RGS4: variants seen among roughly 807,000 people sequenced by gnomAD.
RGS4 encodes the protein schizophrenia disorder 9.
In RGS4, 15 loss-of-function variants were observed where a neutral mutation model predicts 21.6. The observed-to-expected ratio is 0.69, with a 90% CI of 0.46 to 1.07. The LOEUF (loss-of-function observed/expected upper bound fraction) is 1.07. RGS4 is among the 50% of genes least tolerant of loss of function. The pLI is 0.00. For missense variants in RGS4, 237 were observed against 239.0 expected (o/e 0.99, Z 0.06); for synonymous variants, 94 against 85.5 (o/e 1.10, Z -0.55).
chr1:163,069,987 T>C (rs2661319), intron 1 of RGS4, among the ~76,000 whole-genome samples: 66,476 of 151,962 alleles, frequency 0.44, 15,518 homozygotes, highest in Non-Finnish European at 0.52. Flanking sequence ...AAAGGCACTA[T>C]GCTTTCCGTG....
At chr1:163,071,872 C>CCCCA (rs1655325925) in intron 1 of RGS4, 1 of 65,716 alleles carries the variant, frequency 1.5e-5, no homozygotes. Flanking sequence ...CCCCCCCCCC[C>CCCCA]CAACATACAT....
intron 4 of RGS4, 115 bp from the exon 5 acceptor site, chr1:163,074,206 T>C (rs1655420723): frequency 5.7e-6 from 8 of 1,401,496 alleles, no homozygotes; most frequent in Non-Finnish European, 5.9e-6. Context: ...CACTTTTGTT[T>C]TTTGCTTCTG....
In RGS4 at chr1:163,075,098, T is replaced by G. The variant is rs1655452833; in HGVS notation, c.*538T>G. 2 of 69,818 alleles carry G rather than the reference T, an allele frequency of 2.9e-5. No homozygotes were observed. The highest frequency in any genetic ancestry group is 5.6e-5 in the Non-Finnish European group (2 of 35,724). The allele number at this position is 69,818 out of a possible 1,614,324, so 4.3% of individuals were successfully genotyped here. ...GTATACATATGTATGTGTGAGTGTA[T>G]GTATACACACACACACACACACACA... is the stretch of plus-strand genomic sequence containing the variant. On this transcript the variant is annotated 3_prime_UTR_variant, in exon 5 of 5. Coordinates refer to ENST00000367909, the MANE Select transcript of RGS4 (RefSeq NM_005613.6).
At chr1:163,072,966 G>A in intron 3 of RGS4, 100 bp downstream of exon 3, 1 of 994,338 alleles carries the variant, frequency 1.0e-6, no homozygotes, top group African/African-American at 1.6e-5. Flanking sequence ...TCTTTCTGAT[G>A]TTCAGACTCA....
intron 1 of RGS4, among the ~76,000 whole-genome samples, chr1:163,069,958 G>A (rs1393816498): frequency 1.3e-5 from 2 of 152,122 alleles, no homozygotes; most frequent in Admixed American, 6.6e-5. Flanking sequence ...CCCAGAATGA[G>A]GTTTGGCTCC....
intron 4 of RGS4, 33 bp downstream of exon 4, chr1:163,073,655 G>A (rs763819180): frequency 1.7e-5 from 25 of 1,435,222 alleles, no homozygotes; most frequent in Middle Eastern, 3.8e-4. Flanking sequence ...AAAATTGTAC[G>A]TATTTATGGA....
At position 163,074,150 on chromosome 1, in the gene RGS4, TGAAC is replaced by T. The variant is rs1360347391; in HGVS notation, c.379-170_379-167del. On this transcript the variant is annotated intron_variant, in intron 4 of 4. Coordinates refer to ENST00000367909, the MANE Select transcript of RGS4 (RefSeq NM_005613.6). ...CTCTCTAAAGCAGAAAGGTTCATTCTGAACCTTTCATACTCTCTCACATGTGCCA... is the reference window on the plus strand; with the variant it reads ...CTCTCTAAAGCAGAAAGGTTCATTCTCTTTCATACTCTCTCACATGTGCCA... 8.0e-6 allele frequency: 6 copies of T among 752,992 alleles called. No individual in the cohort carries two copies. In the African/African-American group the frequency reaches 1.0e-4, roughly 13 times the overall value. 46.6% of individuals were successfully genotyped at this position (752,992 alleles called of 1,614,324 possible).
chr1:163,073,053 G>C (rs1264950645), intron 3 of RGS4, among the ~76,000 whole-genome samples, 187 bp downstream of exon 3: 1 of 152,102 alleles, frequency 6.6e-6, no homozygotes, highest in Non-Finnish European at 1.5e-5. Context: ...ACAATGAAAA[G>C]TTTATGCAGG....
In RGS4 at chr1:163,074,774, T is replaced by G. The variant is rs1016704646; in HGVS notation, c.*214T>G. 3 of 686,492 alleles carry G rather than the reference T, an allele frequency of 4.4e-6. No homozygotes were observed. Among genetic ancestry groups the G allele is most frequent in the Non-Finnish European group, 5.0e-6 (2 of 396,180 alleles). The allele number at this position is 686,492 out of a possible 1,614,324, so 42.5% of individuals were successfully genotyped here. A position where few individuals can be genotyped will look rare whatever the true frequency, so the allele number is the denominator to read the frequency against. ...GGGTGGGACCCCATTCCAGTCCAAT[T>G]TTCCTAAGTTTCTTTGAGGGTTCCA... On this transcript the variant is annotated 3_prime_UTR_variant, in exon 5 of 5. Coordinates refer to ENST00000367909, the MANE Select transcript of RGS4 (RefSeq NM_005613.6).
Position 163,072,802 on chromosome 1 carries a change from T to C in RGS4, c.150-3T>C. 6.2e-7 allele frequency: 1 copy of C among 1,612,366 alleles called. No homozygotes were observed. The highest frequency in any genetic ancestry group is 8.5e-7 in the Non-Finnish European group (1 of 1,178,940). On this transcript the variant is annotated splice_polypyrimidine_tract_variant and splice_region_variant and intron_variant, in intron 2 of 4. Transcript: ENST00000367909. ...TTATTCTGTTTCTCTCTATTTTTTC[T>C]AGAGTGAGCCAAGAGGAAGTCAAGA...
chr1:163,070,839 C>T (rs1373401956), intron 1 of RGS4: 2 of 152,122 alleles, frequency 1.3e-5, no homozygotes, highest in Non-Finnish European at 2.9e-5. Context: ...CCCTTTCCTC[C>T]TCAATAAATT....
chr1:163,076,239 C>T lies in RGS4; in HGVS notation c.*1679C>T, dbSNP rs1655493806. The T allele has an allele frequency of 6.6e-6, 1 of 152,602 alleles. No homozygotes were observed. The highest frequency in any genetic ancestry group is 2.1e-4 in the South Asian group (1 of 4,832). 9.5% of individuals were successfully genotyped at this position (152,602 alleles called of 1,614,324 possible). A position where few individuals can be genotyped will look rare whatever the true frequency, so the allele number is the denominator to read the frequency against. ...GCATTCGTTGCTCCAGTATAAATTACATGCATGAGCACCTTTCTGGCTTTT... is the reference window on the plus strand; with the variant it reads ...GCATTCGTTGCTCCAGTATAAATTATATGCATGAGCACCTTTCTGGCTTTT... On this transcript the variant is annotated 3_prime_UTR_variant, in exon 5 of 5. Transcript: ENST00000367909.
chr1:163,073,357 C>A, intron 3 of RGS4, 99 bp from the exon 4 acceptor site: 1 of 974,712 alleles, frequency 1.0e-6, no homozygotes, highest in Non-Finnish European at 1.5e-6. Flanking sequence ...TGCTTGAATC[C>A]ATGCTTTATC....
At chr1:163,071,994 G>C (rs1655332305) in intron 1 of RGS4, 12 of 988,886 alleles carry the variant, frequency 1.2e-5, no homozygotes, top group Non-Finnish European at 1.4e-5. Flanking sequence ...GTGCAGCAAG[G>C]ATGTGCATCT....
At chr1:163,073,719 C>A (rs1466071249) in intron 4 of RGS4, 97 bp downstream of exon 4, 8 of 761,014 alleles carry the variant, frequency 1.1e-5, no homozygotes, top group Middle Eastern at 3.7e-4. Context: ...CAAATCAGGG[C>A]AATTGCTATA....
intron 3 of RGS4, 47 bp from the exon 4 acceptor site, chr1:163,073,409 G>A (rs1447460459): frequency 6.8e-7 from 1 of 1,474,238 alleles, no homozygotes; most frequent in African/African-American, 1.4e-5. Flanking sequence ...ATATCCAAGA[G>A]GCCAACCAGT....
intron 2 of RGS4, 152 bp from the exon 3 acceptor site, chr1:163,072,653 A>C: frequency 1.2e-6 from 1 of 830,618 alleles, no homozygotes; most frequent in Non-Finnish European, 1.9e-6. Flanking sequence ...TGAAATTTCT[A>C]TACATTTAGT....
Position 163,074,357 on chromosome 1 carries a change from C to A in RGS4, c.415C>A (p.Arg139=). The change falls in exon 5 of 5, where the codon CGG becomes AGG. Residue 139 remains arginine, a synonymous_variant. Transcript: ENST00000367909. ...TTCTTGCACCAGGGAAGAGACAAGC[C>A]GGAACATGCTAGAGCCTACAATAAC... ...LDSCTREETS[R]NMLEPTITCF... is the part of the protein sequence containing the mutation. 6.2e-7 allele frequency: 1 copy of A among 1,613,822 alleles called. No homozygotes were observed. Among genetic ancestry groups the A allele is most frequent in the Non-Finnish European group, 8.5e-7 (1 of 1,179,816 alleles).
upstream of RGS4, chr1:163,069,275 A>C (rs1213334960): frequency 1.3e-6 from 2 of 1,551,088 alleles, no homozygotes; most frequent in East Asian, 4.9e-5. Context: ...AGAGGGAGAC[A>C]GAGGAGCTGG....
Sources: gnomAD v4.1 joint callset for allele counts (sites outside exome capture counted in the v4.1 genomes callset) on GRCh38, gnomAD v4.1.1 for gene constraint, MANE v1.5 for transcripts, NCBI Gene and HGNC (gene_info 2026-07-23, HGNC 2026-07-21) for gene names.